Variants in BCL11B observed in about 807,000 individuals in gnomAD.
The protein encoded by BCL11B is B-cell lymphoma/leukemia 11B.
A neutral mutation model predicts 49.9 loss-of-function variants in BCL11B; 8 were observed. That is an observed-to-expected ratio of 0.16 (90% CI 0.09 to 0.29). The LOEUF (loss-of-function observed/expected upper bound fraction) is 0.29. BCL11B is among the 10% of genes least tolerant of loss of function. The pLI is 1.00. For missense variants in BCL11B, 1,006 were observed against 1,351.0 expected (o/e 0.74, Z 4.00); for synonymous variants, 739 against 637.4 (o/e 1.16, Z -2.40).
At chr14:99,253,580 G>A (rs1455991347) in intron 2 of BCL11B, among the ~76,000 whole-genome samples, 6 of 152,238 alleles carry the variant, frequency 3.9e-5, no homozygotes, top group South Asian at 2.1e-4. Flanking sequence ...AGTGGCTGCC[G>A]GAGGCTGGCA....
chr14:99,175,614 G>A lies in BCL11B; in HGVS notation c.1222C>T (p.Pro408Ser), dbSNP rs764128093. ...CCGCCAGGGGGCATGGGCGGCAGCG[G>A]CGGCGTGCTCAGGAACGGGGACTTG... ...SPKSPFLSTPPLPPMPPGGTP... is the reference protein window; with the variant it reads ...SPKSPFLSTPSLPPMPPGGTP... Residue 408 changes from proline (P) to serine (S), a missense_variant, in exon 4 of 4, where the codon CCG becomes TCG. By Grantham distance (74) the Pro-to-Ser change is moderately conservative. Around this residue, in one of 6 missense-constraint regions of BCL11B, gnomAD observed 97 missense variants for 81.5 expected, o/e 1.19. Transcript: ENST00000357195. 2 of 1,563,896 alleles carry A rather than the reference G, an allele frequency of 1.3e-6. No individual in the cohort carries two copies. Among genetic ancestry groups the A allele is most frequent in the Non-Finnish European group, 1.7e-6 (2 of 1,161,908 alleles).
At chr14:99,199,681 T>TGCGCGCGCGCGC (rs1373200594) in intron 3 of BCL11B, among the ~76,000 whole-genome samples, 8 of 70,998 alleles carry the variant, frequency 1.1e-4, no homozygotes, top group African/African-American at 2.8e-4. Flanking sequence ...TGTGTGTGTG[T>TGCGCGCGCGCGC]GTGCGCGCGC....
Position 99,262,127 on chromosome 14 carries a change from G to A in BCL11B, c.59-4288C>T, listed in dbSNP as rs1889354017. Among the ~76,000 whole-genome samples the A allele has an allele frequency of 6.6e-6, 1 of 152,204 alleles. No homozygotes were observed. Among genetic ancestry groups the A allele is most frequent in the Non-Finnish European group, 1.5e-5 (1 of 68,040 alleles). ...GAAAGACATCGTTAACACAGGCCCA[G>A]CCAAGCAGCCAACAAGCCCCCAGCA... On this transcript the variant is annotated intron_variant, in intron 1 of 3. Transcript: ENST00000357195. The surrounding 1 kb of genome is among the most constrained non-coding windows in gnomAD (Gnocchi z 4.2).
At chr14:99,239,874 C>T (rs556726763) in intron 2 of BCL11B, among the ~76,000 whole-genome samples, 23 of 152,208 alleles carry the variant, frequency 1.5e-4, no homozygotes, top group African/African-American at 5.3e-4. Context: ...GGCTGAGCTG[C>T]GAGAATCCCG....
In BCL11B at chr14:99,257,363, C is replaced by A; in HGVS notation, c.427+108G>T. On this transcript the variant is annotated intron_variant, in intron 2 of 3. Coordinates refer to ENST00000357195, the MANE Select transcript of BCL11B (RefSeq NM_138576.4). The surrounding 1 kb of genome is among the most constrained non-coding windows in gnomAD (Gnocchi z 6.2). ...GGAGCCCCGGCTGGTGGCCCAGAGG[C>A]CATCCTGGAAGCCCCTGGGCCTTCC... 1 of 1,397,940 alleles carries A rather than the reference C, an allele frequency of 7.2e-7. No individual in the cohort carries two copies. The highest frequency in any genetic ancestry group is 9.5e-7 in the Non-Finnish European group (1 of 1,056,582). 86.6% of individuals were successfully genotyped at this position (1,397,940 alleles called of 1,614,324 possible).
chr14:99,199,691 CGCGCGCACGTGCACGTGTGT>C (rs1458386031), intron 3 of BCL11B, among the ~76,000 whole-genome samples: 9 of 61,858 alleles, frequency 1.5e-4, no homozygotes, highest in African/African-American at 3.4e-4. Flanking sequence ...TGTGCGCGCG[CGCGCGCACGTGCACGTGTGT>C]GCGTGTGTGC....
chr14:99,257,470 C>A lies in BCL11B; in HGVS notation c.427+1G>T. 6.3e-7 allele frequency: 1 copy of A among 1,588,950 alleles called. No individual in the cohort carries two copies. Among genetic ancestry groups the A allele is most frequent in the Non-Finnish European group, 8.6e-7 (1 of 1,163,380 alleles). ...AACCAGGCAAGCGCAGCATCCCATA[C>A]CTGCAATGTTCTCCTGCTTGGGACA... is the stretch of plus-strand genomic sequence containing the variant. On this transcript the variant is annotated splice_donor_variant, in intron 2 of 3. Transcript: ENST00000357195. LOFTEE classifies it high-confidence loss of function. The surrounding 1 kb of genome is among the most constrained non-coding windows in gnomAD (Gnocchi z 6.2).
intron 3 of BCL11B, among the ~76,000 whole-genome samples, chr14:99,183,049 C>T (rs1302947076): frequency 7.5e-6 from 1 of 133,926 alleles, no homozygotes. Flanking sequence ...GGGTGCAGCT[C>T]ACACTCCAGG....
At chr14:99,244,437 T>C (rs562213111) in intron 2 of BCL11B, among the ~76,000 whole-genome samples, 415 of 152,280 alleles carry the variant, frequency 2.7e-3, no homozygotes, top group Non-Finnish European at 5.0e-3. Context: ...TGTAAAGGAA[T>C]CCGGTAACAT....
intron 1 of BCL11B, chr14:99,263,009 T>G: frequency 6.6e-6 from 1 of 150,408 alleles, no homozygotes; most frequent in South Asian, 2.1e-4. Context: ...GAGAAGGAAA[T>G]GGAGATAAGA....
At chr14:99,271,050 C>T in intron 1 of BCL11B, 111 bp downstream of exon 1, 2 of 1,143,396 alleles carry the variant, frequency 1.7e-6, no homozygotes, top group Non-Finnish European at 2.3e-6. Context: ...TGCCAGCCAG[C>T]GGGCGGCCCC....
chr14:99,217,921 C>G (rs1243982232), intron 3 of BCL11B, among the ~76,000 whole-genome samples: 1 of 152,180 alleles, frequency 6.6e-6, no homozygotes, highest in Non-Finnish European at 1.5e-5. Flanking sequence ...AAGATGCAAA[C>G]TAAAAATATT....
intron 3 of BCL11B, among the ~76,000 whole-genome samples, chr14:99,224,121 C>T (rs1888092720): frequency 6.6e-6 from 1 of 152,204 alleles, no homozygotes; most frequent in Non-Finnish European, 1.5e-5. Context: ...AGGACCCTCC[C>T]AGGTACCATA....
chr14:99,227,166 A>T (rs1007458568), intron 3 of BCL11B, among the ~76,000 whole-genome samples: 2 of 152,214 alleles, frequency 1.3e-5, no homozygotes, highest in African/African-American at 4.8e-5. Flanking sequence ...GCCAGCCAAA[A>T]GGCTAAATAC....
rs753696927 is a variant in BCL11B, at chr14:99,241,752, T to A, written c.428-10195A>T. On this transcript the variant is annotated intron_variant, in intron 2 of 3. Coordinates refer to ENST00000357195, the MANE Select transcript of BCL11B (RefSeq NM_138576.4). The surrounding 1 kb of genome is among the most constrained non-coding windows in gnomAD (Gnocchi z 4.4). The stretch of plus-strand genomic sequence containing the variant: ...CTAATTTCTTTGAAAAAAACATCAG[T>A]GTCACTAAAAAAAACGTCACTCTGT... Among the ~76,000 whole-genome samples, 2 of 152,054 alleles carry A rather than the reference T, an allele frequency of 1.3e-5. No individual in the cohort carries two copies. The highest frequency in any genetic ancestry group is 4.8e-5 in the African/African-American group (2 of 41,394).
In BCL11B at chr14:99,169,772, C is replaced by T. The variant is rs1287134664; in HGVS notation, c.*4379G>A. The T allele has an allele frequency of 1.3e-5, 3 of 225,154 alleles. No homozygotes were observed. The highest frequency in any genetic ancestry group is 1.1e-4 in the Admixed American group (2 of 17,532). The allele number at this position is 225,154 out of a possible 1,614,324, so 13.9% of individuals were successfully genotyped here. On this transcript the variant is annotated 3_prime_UTR_variant, in exon 4 of 4. Transcript: ENST00000357195. ...TGTGTTCCACGAGACCTTCGGCTGACGGTTACTTAGGACCGGGATGAAAGG... is the reference window on the plus strand; with the variant it reads ...TGTGTTCCACGAGACCTTCGGCTGATGGTTACTTAGGACCGGGATGAAAGG...
At chr14:99,266,431 G>C (rs909454675) in intron 1 of BCL11B, among the ~76,000 whole-genome samples, 1 of 151,954 alleles carries the variant, frequency 6.6e-6, no homozygotes, top group Non-Finnish European at 1.5e-5. Flanking sequence ...ACGAATCAGG[G>C]AAAACACACC....
At chr14:99,189,030 T>G (rs1287072704) in intron 3 of BCL11B, among the ~76,000 whole-genome samples, 1 of 152,238 alleles carries the variant, frequency 6.6e-6, no homozygotes, top group African/African-American at 2.4e-5. Context: ...TTATTCAGAA[T>G]ATTTTAGCGC....
At position 99,217,453 on chromosome 14, in the gene BCL11B, C is replaced by A. The variant is rs148042163; in HGVS notation, c.640+13892G>T. ...TACGGGTCTGTGCCAGGCCCAAGGA[C>A]CCTGGCAGAGGCAATGGGAAAAACC... On this transcript the variant is annotated intron_variant, in intron 3 of 3. Coordinates refer to ENST00000357195, the MANE Select transcript of BCL11B (RefSeq NM_138576.4). Among the ~76,000 whole-genome samples, 679 of 151,402 alleles carry A rather than the reference C, an allele frequency of 4.5e-3. 5 individuals are homozygous for A. Among genetic ancestry groups the A allele is most frequent in the African/African-American group, 0.016 (642 of 41,076 alleles).
Sources: gnomAD v4.1 joint callset for allele counts (sites outside exome capture counted in the v4.1 genomes callset) on GRCh38, gnomAD v4.1.1 for gene constraint, gnomAD v4.1.1 regional missense constraint, Gnocchi (gnomAD v3.1) non-coding constraint, MANE v1.5 for transcripts, NCBI Gene and HGNC (gene_info 2026-07-23, HGNC 2026-07-21) for gene names.